Variants in GABRB1 observed in about 807,000 individuals in gnomAD.
The protein encoded by GABRB1 is gamma-aminobutyric acid receptor subunit beta-1.
Under a neutral mutation model 51.6 loss-of-function variants are expected in GABRB1, and 17 were observed. The ratio of observed to expected loss-of-function variants is 0.33; its 90% CI spans 0.23 to 0.49. The LOEUF (loss-of-function observed/expected upper bound fraction) is 0.49, where lower values mean the gene tolerates loss of function less well. Among genes scored for constraint, GABRB1 ranks in the 20% least tolerant of loss-of-function variants. GABRB1 has a pLI of 0.99. For synonymous variants in GABRB1, 247 were observed against 218.9 expected (o/e 1.13, Z -1.14); for missense variants, 410 against 600.6 (o/e 0.68, Z 3.32).
intron 4 of GABRB1, among the ~76,000 whole-genome samples, chr4:47,316,752 G>A (rs1461992686): frequency 6.6e-6 from 1 of 151,938 alleles, no homozygotes; most frequent in Non-Finnish European, 1.5e-5. Context: ...GGTTGGGGCT[G>A]TTGTTGTTCC....
At chr4:47,235,752 T>C (rs1308430242) in intron 4 of GABRB1, among the ~76,000 whole-genome samples, 3 of 152,128 alleles carry the variant, frequency 2.0e-5, no homozygotes, top group Non-Finnish European at 4.4e-5. Flanking sequence ...TATTTGAATA[T>C]TCTAGTCTAG....
chr4:47,179,173 C>G (rs546447029), intron 4 of GABRB1, among the ~76,000 whole-genome samples: 1 of 152,136 alleles, frequency 6.6e-6, no homozygotes, highest in African/African-American at 2.4e-5. Context: ...TGCCCATGTG[C>G]TCTCATTGTT....
At chr4:47,333,194 T>TTATATA (rs1162712786) in intron 5 of GABRB1, among the ~76,000 whole-genome samples, 4 of 113,222 alleles carry the variant, frequency 3.5e-5, no homozygotes, top group Non-Finnish European at 7.6e-5. Flanking sequence ...CCCATTTTAT[T>TTATATA]TATATATATA....
intron 5 of GABRB1, among the ~76,000 whole-genome samples, chr4:47,333,574 G>A (rs1725583216): frequency 1.3e-5 from 2 of 152,034 alleles, no homozygotes; most frequent in Non-Finnish European, 2.9e-5. Flanking sequence ...AATTAGCTGG[G>A]CATGGTGGCA....
intron 5 of GABRB1, among the ~76,000 whole-genome samples, chr4:47,329,856 G>T (rs577521621): frequency 3.9e-5 from 6 of 151,906 alleles, no homozygotes; most frequent in African/African-American, 1.4e-4. Flanking sequence ...GAGCGAGTGA[G>T]AAATAAGAAA....
chr4:47,189,527 A>G (rs1332601979), intron 4 of GABRB1, among the ~76,000 whole-genome samples: 1 of 151,868 alleles, frequency 6.6e-6, no homozygotes, highest in Non-Finnish European at 1.5e-5. Context: ...TAGAATTCTA[A>G]GTAGAATTGT....
chr4:47,106,276 A>G (rs754931854), intron 3 of GABRB1, among the ~76,000 whole-genome samples: 5 of 152,092 alleles, frequency 3.3e-5, no homozygotes, highest in Non-Finnish European at 5.9e-5. Flanking sequence ...AAAAACCAAA[A>G]TTGAACAACA....
At chr4:47,263,826 A>G (rs1430169258) in intron 4 of GABRB1, among the ~76,000 whole-genome samples, 1 of 152,226 alleles carries the variant, frequency 6.6e-6, no homozygotes, top group Non-Finnish European at 1.5e-5. Flanking sequence ...AACATTCCTT[A>G]GAACTGAAGA....
At chr4:47,115,507 A>G (rs895180844) in intron 3 of GABRB1, among the ~76,000 whole-genome samples, 3 of 152,056 alleles carry the variant, frequency 2.0e-5, no homozygotes, top group African/African-American at 7.2e-5. Context: ...TTTTTTAAAT[A>G]TAAAATCATA....
chr4:47,337,005 A>C (rs1301591934), intron 5 of GABRB1, among the ~76,000 whole-genome samples: 1 of 152,238 alleles, frequency 6.6e-6, no homozygotes, highest in Non-Finnish European at 1.5e-5. Context: ...GAACTAAGAC[A>C]GGAGTTTGAA....
intron 5 of GABRB1, among the ~76,000 whole-genome samples, chr4:47,339,827 A>G (rs62297795): frequency 7.1e-6 from 1 of 141,598 alleles, no homozygotes; most frequent in African/African-American, 2.8e-5. Context: ...ATAAATGCAC[A>G]CACACACACA....
intron 5 of GABRB1, among the ~76,000 whole-genome samples, chr4:47,361,865 G>C (rs1020314699): frequency 6.6e-6 from 1 of 152,122 alleles, no homozygotes; most frequent in Non-Finnish European, 1.5e-5. Flanking sequence ...TCATCAACTG[G>C]GGTTGTCAAG....
intron 4 of GABRB1, among the ~76,000 whole-genome samples, chr4:47,215,702 A>G (rs1270858866): frequency 6.6e-6 from 1 of 152,126 alleles, no homozygotes; most frequent in African/African-American, 2.4e-5. Context: ...AGGGCTTTTA[A>G]TAAACTGACA....
intron 4 of GABRB1, among the ~76,000 whole-genome samples, chr4:47,235,426 G>T (rs1406770265): frequency 1.3e-5 from 2 of 152,082 alleles, no homozygotes; most frequent in Non-Finnish European, 2.9e-5. Flanking sequence ...GCACATGCCT[G>T]TAATTCCAGC....
intron 7 of GABRB1, among the ~76,000 whole-genome samples, chr4:47,404,307 C>T (rs964867958): frequency 2.0e-5 from 3 of 151,994 alleles, no homozygotes; most frequent in Non-Finnish European, 4.4e-5. Flanking sequence ...AGAACTAATC[C>T]TGTCATGGTT....
In GABRB1 at chr4:47,161,365, A is replaced by G. The variant is rs772877127; in HGVS notation, c.357A>G (p.Pro119=). ...DNRVADQLWV[P]DTYFLNDKKS... Reference sequence around the variant, plus strand: ...GGGTAGCTGACCAACTCTGGGTACCAGACACCTACTTTCTGAATGACAAGA... The same window carrying G: ...GGGTAGCTGACCAACTCTGGGTACCGGACACCTACTTTCTGAATGACAAGA... Residue 119 remains proline (P), a synonymous_variant, in exon 4 of 9, where the codon CCA becomes CCG. Coordinates refer to ENST00000295454, the MANE Select transcript of GABRB1 (RefSeq NM_000812.4). The G allele has an allele frequency of 1.9e-6, 3 of 1,612,892 alleles. No homozygotes were observed. The highest frequency in any genetic ancestry group is 1.7e-4 in the Middle Eastern group (1 of 6,052).
At chr4:47,339,539 A>ATGTGTG (rs1491459884) in intron 5 of GABRB1, among the ~76,000 whole-genome samples, 1 of 115,026 alleles carries the variant, frequency 8.7e-6, no homozygotes, top group Non-Finnish European at 1.7e-5. Flanking sequence ...GTATGTGTGC[A>ATGTGTG]TATGTGTGTG....
intron 4 of GABRB1, among the ~76,000 whole-genome samples, chr4:47,280,045 G>A: frequency 6.6e-6 from 1 of 151,852 alleles, no homozygotes; most frequent in East Asian, 1.9e-4. Flanking sequence ...ATTGTTTCTG[G>A]TTAATTTGTA....
intron 3 of GABRB1, among the ~76,000 whole-genome samples, chr4:47,107,802 G>T (rs561932614): frequency 6.6e-6 from 1 of 151,800 alleles, no homozygotes; most frequent in Non-Finnish European, 1.5e-5. Flanking sequence ...AAATATCCAC[G>T]GATTTTTCTT....
Sources: allele counts gnomAD v4.1 joint callset (sites outside exome capture counted in the v4.1 genomes callset), GRCh38; gene constraint gnomAD v4.1.1; transcripts MANE v1.5; gene names NCBI Gene and HGNC (gene_info 2026-07-23, HGNC 2026-07-21).